Variants in ELMO1 observed in about 807,000 individuals in gnomAD.
ELMO1 encodes engulfment and cell motility protein 1.
Under a neutral mutation model 98.9 loss-of-function variants are expected in ELMO1, and 26 were observed. The observed-to-expected ratio is 0.26, with a 90% confidence interval of 0.19 to 0.36. The LOEUF (loss-of-function observed/expected upper bound fraction) is 0.36. Among genes scored for constraint, ELMO1 ranks in the 10% least tolerant of loss-of-function variants. The pLI is 1.00. For synonymous variants in ELMO1, 346 were observed against 346.0 expected, an observed-to-expected ratio of 1.00 and a Z score of 0.00; for missense variants, 627 against 935.2, an observed-to-expected ratio of 0.67 and a Z score of 4.30.
At position 37,063,810 on chromosome 7, in the gene ELMO1, T is replaced by C. The variant is rs1410734682; in HGVS notation, c.1300+32809A>G. Reference sequence around the variant, plus strand: ...TTGCAACACTCAAGTTTTTGAAGACTGCCTCCTCTCCTACCTCCTTAAGTA... The same window carrying C: ...TTGCAACACTCAAGTTTTTGAAGACCGCCTCCTCTCCTACCTCCTTAAGTA... On this transcript the variant is annotated intron_variant, in intron 15 of 21. Transcript: ENST00000310758. Among the ~76,000 whole-genome samples, 3 of 152,114 alleles carry C rather than the reference T, an allele frequency of 2.0e-5. No individual in the cohort carries two copies. The East Asian group carries it at 5.8e-4, about 29-fold the overall frequency.
intron 16 of ELMO1, among the ~76,000 whole-genome samples, chr7:36,959,486 G>T (rs1788760176): frequency 6.6e-6 from 1 of 151,954 alleles, no homozygotes; most frequent in Admixed American, 6.5e-5. Flanking sequence ...TGCGTACTTT[G>T]AACTAAAGAA....
Position 36,878,001 on chromosome 7 carries a change from G to A in ELMO1, c.1822+9C>T. On this transcript the variant is annotated intron_variant, in intron 19 of 21. Coordinates refer to ENST00000310758, the MANE Select transcript of ELMO1 (RefSeq NM_014800.11). ...ACCACTCAGGCCTCTGCCAAGGAGA[G>A]CTACTTACGTTTGTCCTGCAAGGAA... 2.5e-6 allele frequency: 4 copies of A among 1,608,302 alleles called. No individual in the cohort carries two copies. The highest frequency in any genetic ancestry group is 1.1e-5 in the South Asian group (1 of 90,750).
chr7:36,947,360 ACATTCTCT>A (rs1430660933), intron 16 of ELMO1, among the ~76,000 whole-genome samples: 1 of 152,024 alleles, frequency 6.6e-6, no homozygotes, highest in African/African-American at 2.4e-5. Flanking sequence ...TCTTATTCTC[ACATTCTCT>A]ATCTCAATTG....
chr7:36,968,162 T>C lies in ELMO1; in HGVS notation c.1437+45137A>G, dbSNP rs150642503. ...ATAATTCCATGCTTTTTTTTCTAGA[T>C]GAAATCATTCTATTGGTTTTATTTC... On this transcript the variant is annotated intron_variant, in intron 16 of 21. Transcript: ENST00000310758. Among the ~76,000 whole-genome samples, 602 of 152,302 alleles carry C rather than the reference T, an allele frequency of 4.0e-3. 4 individuals are homozygous for C. The highest frequency in any genetic ancestry group is 0.014 in the African/African-American group (580 of 41,568).
At position 37,279,606 on chromosome 7, in the gene ELMO1, G is replaced by A. The variant is rs570787056; in HGVS notation, c.193-7724C>T. ...AGGTCTCTTTGCGGGAGAAGTTTCC[G>A]ACCTTACCTGGAGCTGAGCCAATTT... On this transcript the variant is annotated intron_variant, in intron 4 of 21. Coordinates refer to ENST00000310758, the MANE Select transcript of ELMO1 (RefSeq NM_014800.11). Among the ~76,000 whole-genome samples, 343 of 152,268 alleles carry A rather than the reference G, an allele frequency of 2.3e-3. 1 individual carries two copies. The highest frequency in any genetic ancestry group is 0.017 in the Middle Eastern group (5 of 294).
chr7:37,013,280 T>TAGA lies in ELMO1; in HGVS notation c.1437+18_1437+19insTCT. 1 of 1,612,426 alleles carries TAGA rather than the reference T, an allele frequency of 6.2e-7. No individual in the cohort carries two copies. Reference sequence around the variant, plus strand: ...TAGCGCTGCGGGAATCCCCTGCCTCTATCCGAGATCCACATTACCTTGTTG... The same window carrying TAGA: ...TAGCGCTGCGGGAATCCCCTGCCTCTAGAATCCGAGATCCACATTACCTTGTTG... On this transcript the variant is annotated intron_variant, in intron 16 of 21. Transcript: ENST00000310758.
intron 13 of ELMO1, among the ~76,000 whole-genome samples, chr7:37,159,959 G>C (rs1393579638): frequency 6.6e-6 from 1 of 152,084 alleles, no homozygotes; most frequent in Non-Finnish European, 1.5e-5. Context: ...ATTTCATAAT[G>C]AAAATTTTAA....
At chr7:37,038,456 C>A (rs1218994236) in intron 15 of ELMO1, among the ~76,000 whole-genome samples, 1 of 152,208 alleles carries the variant, frequency 6.6e-6, no homozygotes, top group African/African-American at 2.4e-5. Flanking sequence ...GAAATTAACT[C>A]CACACCAGTG....
intron 4 of ELMO1, among the ~76,000 whole-genome samples, chr7:37,278,316 T>C (rs965724084): frequency 6.6e-6 from 1 of 152,098 alleles, no homozygotes; most frequent in Non-Finnish European, 1.5e-5. Flanking sequence ...ATAATCTCAA[T>C]GGGCTTGTTT....
rs78749398 is a variant in ELMO1 at position 36,858,573 on chromosome 7, C to T, written c.1984-2822G>A. ...GGAAAAGGGACTTAAGGTTGCTATC[C>T]GCTGACCTTAAAACAGAGATTATCT... On this transcript the variant is annotated intron_variant, in intron 21 of 21. Transcript: ENST00000310758. 6.3e-3 allele frequency among the ~76,000 whole-genome samples: 952 copies of T among 152,264 alleles called. 10 individuals are homozygous for T. Among genetic ancestry groups the T allele is most frequent in the Admixed American group, 0.011 (165 of 15,292 alleles).
intron 16 of ELMO1, among the ~76,000 whole-genome samples, chr7:36,932,756 G>A (rs1291336286): frequency 6.6e-6 from 1 of 152,138 alleles, no homozygotes; most frequent in African/African-American, 2.4e-5. Flanking sequence ...CAAGATGCGG[G>A]CTCCTTGTAC....
chr7:37,152,514 T>C (rs1265545113), intron 13 of ELMO1, among the ~76,000 whole-genome samples: 1 of 151,726 alleles, frequency 6.6e-6, no homozygotes, highest in Non-Finnish European at 1.5e-5. Flanking sequence ...ATGTAGCAAG[T>C]GTGATCCCGT....
chr7:37,241,526 G>A (rs1055325057), intron 7 of ELMO1, among the ~76,000 whole-genome samples: 8 of 152,072 alleles, frequency 5.3e-5, no homozygotes, highest in African/African-American at 1.9e-4. Context: ...TGATTAGATT[G>A]AAGTCAACCA....
rs548339360 is a variant in ELMO1, at chr7:36,909,015, T to C, written c.1438-13998A>G. On this transcript the variant is annotated intron_variant, in intron 16 of 21. Transcript: ENST00000310758. ...AAAACAAGTCTCAGGGCATTTATAC[T>C]GGTAAATGACAGAAGAGAGACTTGA... Among the ~76,000 whole-genome samples, 15 of 152,356 alleles carry C rather than the reference T, an allele frequency of 9.8e-5. No homozygotes were observed. In the South Asian group the frequency reaches 3.1e-3, roughly 32 times the overall value.
At chr7:37,343,158 G>C (rs1035983672) in intron 1 of ELMO1, 2 of 157,336 alleles carry the variant, frequency 1.3e-5, no homozygotes, top group Admixed American at 6.2e-5. Context: ...AGGAAGGACA[G>C]ATTGCCCAGG....
At chr7:37,370,380 T>C (rs1045390813) in intron 1 of ELMO1, among the ~76,000 whole-genome samples, 2 of 152,198 alleles carry the variant, frequency 1.3e-5, no homozygotes, top group East Asian at 1.9e-4. Flanking sequence ...AGTTTTCATA[T>C]GTTTTGTATG....
chr7:37,146,397 T>C (rs572703828), intron 13 of ELMO1, among the ~76,000 whole-genome samples: 44 of 152,310 alleles, frequency 2.9e-4, no homozygotes, highest in African/African-American at 8.7e-4. Context: ...AAGCGCATGT[T>C]AGGGAGCTAT....
chr7:37,058,244 TATAAATGTAAAGTC>T (rs1796491639), intron 15 of ELMO1, among the ~76,000 whole-genome samples: 1 of 152,188 alleles, frequency 6.6e-6, no homozygotes, highest in Non-Finnish European at 1.5e-5. Context: ...GCTGGTTTCA[TATAAATGTAAAGTC>T]ATCTTCTCTG....
intron 13 of ELMO1, among the ~76,000 whole-genome samples, chr7:37,205,043 A>G (rs999464189): frequency 2.0e-5 from 3 of 152,136 alleles, no homozygotes; most frequent in African/African-American, 7.2e-5. Context: ...TAGACACACA[A>G]TTCTCCAAGT....
Sources: gnomAD v4.1 joint callset for allele counts (sites outside exome capture counted in the v4.1 genomes callset) on GRCh38, gnomAD v4.1.1 for gene constraint, MANE v1.5 for transcripts, NCBI Gene and HGNC (gene_info 2026-07-23, HGNC 2026-07-21) for gene names.